Variants in COL19A1 observed in about 807,000 individuals in gnomAD.
The protein encoded by COL19A1 is collagen type XIX alpha 1 chain, also known as collagen alpha-1(XIX) chain.
Under a neutral mutation model 190.2 loss-of-function variants are expected in COL19A1, and 159 were observed. The ratio of observed to expected loss-of-function variants is 0.84; its 90% CI spans 0.73 to 0.95. The LOEUF is 0.95. COL19A1 is among the 40% of genes least tolerant of loss of function. COL19A1 has a pLI of 0.00. For synonymous variants in COL19A1, 509 were observed against 458.9 expected (o/e 1.11, Z -1.39); for missense variants, 1,418 against 1,431.9 (o/e 0.99, Z 0.16).
rs757306558 is a variant in COL19A1 at position 70,023,633 on chromosome 6, C to G, written c.1033C>G (p.Gln345Glu). The G allele has an allele frequency of 1.7e-5, 28 of 1,607,794 alleles. No homozygotes were observed. The East Asian group carries it at 6.0e-4, about 35-fold the overall frequency. ...ATAAATTGTTTCTTTTTAGGGTGAA[C>G]AAGGAGAAAAAGGAGATCCAGCTCT... ...SKGETGEKGE[Q>E]GEKGDPALAG... The change falls in exon 12 of 51, where the codon CAA becomes GAA. Residue 345 changes from glutamine (Q) to glutamate (E), a missense_variant. Gln to Glu is a conservative substitution (Grantham distance 29, BLOSUM62 2). Transcript: ENST00000620364.
chr6:70,126,588 G>A (rs1425679480), intron 17 of COL19A1, among the ~76,000 whole-genome samples: 2 of 152,216 alleles, frequency 1.3e-5, no homozygotes, highest in African/African-American at 4.8e-5. Context: ...AGATAACTAA[G>A]AGGTTCGGCT....
intron 11 of COL19A1, among the ~76,000 whole-genome samples, chr6:70,009,986 A>AT (rs1777888309): frequency 6.6e-6 from 1 of 152,162 alleles, no homozygotes. Flanking sequence ...AAAACTGTAA[A>AT]TTTTTTAGAA....
intron 15 of COL19A1, among the ~76,000 whole-genome samples, chr6:70,086,676 A>G (rs1018155314): frequency 3.3e-5 from 5 of 152,246 alleles, no homozygotes; most frequent in Non-Finnish European, 7.3e-5. Context: ...AAATAAAAAC[A>G]AAAACATCAC....
intron 14 of COL19A1, among the ~76,000 whole-genome samples, chr6:70,062,380 T>A (rs1780890863): frequency 6.6e-6 from 1 of 152,110 alleles, no homozygotes; most frequent in Non-Finnish European, 1.5e-5. Context: ...TAAGCATGTA[T>A]GACATTCATG....
chr6:69,944,254 A>G (rs967136109), intron 9 of COL19A1, among the ~76,000 whole-genome samples: 3 of 152,132 alleles, frequency 2.0e-5, no homozygotes, highest in Admixed American at 6.6e-5. Context: ...TAGCACTTTT[A>G]CTGCCACCTG....
intron 15 of COL19A1, among the ~76,000 whole-genome samples, chr6:70,101,352 A>G (rs1418334487): frequency 6.6e-6 from 1 of 152,160 alleles, no homozygotes; most frequent in Non-Finnish European, 1.5e-5. Flanking sequence ...TGTTTAAGAA[A>G]ATAATTTTAT....
intron 17 of COL19A1, among the ~76,000 whole-genome samples, chr6:70,125,093 A>G (rs146291065): frequency 9.0e-6 from 1 of 111,010 alleles, no homozygotes; most frequent in East Asian, 2.4e-4. Flanking sequence ...CTGTTTTTGG[A>G]CACTGAGATT....
intron 4 of COL19A1, among the ~76,000 whole-genome samples, chr6:69,907,232 C>T (rs978319972): frequency 2.7e-4 from 41 of 150,904 alleles, no homozygotes; most frequent in Non-Finnish European, 4.7e-4. Flanking sequence ...CGGTTTCAAA[C>T]GATTCTCCTG....
At chr6:70,121,970 T>A in intron 17 of COL19A1, 28 bp downstream of exon 17, 1 of 1,409,286 alleles carries the variant, frequency 7.1e-7, no homozygotes, top group South Asian at 1.3e-5. Context: ...CCATAATTTA[T>A]AATACATAGA....
At chr6:70,074,771 GTCT>G (rs1314569639) in intron 15 of COL19A1, among the ~76,000 whole-genome samples, 2 of 147,410 alleles carry the variant, frequency 1.4e-5, no homozygotes, top group Admixed American at 6.6e-5. Flanking sequence ...TGATATGATT[GTCT>G]TCTTATCTTT....
chr6:70,154,406 C>T (rs1351423690), intron 31 of COL19A1, among the ~76,000 whole-genome samples: 1 of 152,030 alleles, frequency 6.6e-6, no homozygotes, highest in Non-Finnish European at 1.5e-5. Context: ...GTGAACAGTG[C>T]TGCAATAAAC....
intron 46 of COL19A1, 112 bp from the exon 47 acceptor site, chr6:70,187,963 T>C (rs1322493356): frequency 1.1e-5 from 14 of 1,261,812 alleles, no homozygotes; most frequent in Non-Finnish European, 1.5e-5. Flanking sequence ...GTTTAAGTTA[T>C]TTATACAAGG....
rs780077270 is a variant in COL19A1 at position 70,151,424 on chromosome 6, G to C, written c.2065G>C (p.Gly689Arg). The change falls in exon 31 of 51, where the codon GGT (glycine) becomes CGT (arginine). Residue 689 changes from glycine (G) to arginine (R), a missense_variant. By Grantham distance (125) the Gly-to-Arg change is moderately radical (BLOSUM62 -2). Coordinates refer to ENST00000620364, the MANE Select transcript of COL19A1 (RefSeq NM_001858.6). ...PIALPLLGDI[G>R]ALLKNFCGNC... ...TGCACTTCCTCTCTTGGGAGACATC[G>C]GTGCTTTGCTCAAGGTACTCTATTG... The C allele has an allele frequency of 1.2e-6, 2 of 1,612,654 alleles. No homozygotes were observed. Among genetic ancestry groups the C allele is most frequent in the East Asian group, 4.5e-5 (2 of 44,812 alleles).
chr6:70,055,444 GT>G (rs774883205), intron 14 of COL19A1, among the ~76,000 whole-genome samples: 5 of 151,622 alleles, frequency 3.3e-5, no homozygotes, highest in Non-Finnish European at 5.9e-5. Context: ...CAGATGAATG[GT>G]TAATAAAGTT....
chr6:70,160,909 T>G (rs1049063987), intron 34 of COL19A1, among the ~76,000 whole-genome samples: 19 of 152,192 alleles, frequency 1.2e-4, no homozygotes, highest in Admixed American at 3.9e-4. Flanking sequence ...TTTTAAAACA[T>G]GATTTTAATA....
intron 11 of COL19A1, among the ~76,000 whole-genome samples, chr6:69,964,817 G>A (rs1345150957): frequency 6.6e-6 from 1 of 152,152 alleles, no homozygotes; most frequent in Non-Finnish European, 1.5e-5. Flanking sequence ...TAAGATTCAT[G>A]TAATAACCGT....
intron 6 of COL19A1, among the ~76,000 whole-genome samples, chr6:69,930,245 A>T (rs531888701): frequency 6.6e-6 from 1 of 152,206 alleles, no homozygotes; most frequent in Non-Finnish European, 1.5e-5. Flanking sequence ...AAAATTGCCT[A>T]GTAAAACCCT....
chr6:70,167,388 T>C (rs558326714), intron 37 of COL19A1, among the ~76,000 whole-genome samples: 3 of 152,322 alleles, frequency 2.0e-5, no homozygotes, highest in Middle Eastern at 3.4e-3. Context: ...AATGCTAAAA[T>C]GTATGATTTT....
At chr6:70,199,526 G>T in intron 48 of COL19A1, 82 bp from the exon 49 acceptor site, 1 of 1,094,434 alleles carries the variant, frequency 9.1e-7, no homozygotes, top group Admixed American at 3.3e-5. Context: ...CTTTTTGTTT[G>T]TTTGATTTCA....
Sources: allele counts gnomAD v4.1 joint callset (sites outside exome capture counted in the v4.1 genomes callset), GRCh38; gene constraint gnomAD v4.1.1; transcripts MANE v1.5; gene names NCBI Gene and HGNC (gene_info 2026-07-23, HGNC 2026-07-21).